The following MAPK13 variants were observed in gnomAD, a reference collection of about 807,000 sequenced individuals.
MAPK13 encodes the protein mitogen-activated protein kinase 13.
Under a neutral mutation model 53.5 loss-of-function variants are expected in MAPK13, and 39 were observed. The observed-to-expected ratio is 0.73, with a 90% CI of 0.56 to 0.95. MAPK13 has a LOEUF of 0.95. MAPK13 is among the 40% of genes least tolerant of loss of function. The probability of loss-of-function intolerance (pLI) is 0.00; values close to 1 mark genes in which losing one functional copy is unlikely to be tolerated. For synonymous variants in MAPK13, 179 were observed against 190.9 expected (o/e 0.94, Z 0.51); for missense variants, 460 against 471.8 (o/e 0.98, Z 0.23).
Position 36,133,321 on chromosome 6 carries a change from G to A in MAPK13, c.308+642G>A, listed in dbSNP as rs1210025490. Among the ~76,000 whole-genome samples, 5 of 152,308 alleles carry A rather than the reference G, an allele frequency of 3.3e-5. No homozygotes were observed. The East Asian group carries it at 9.7e-4, about 29-fold the overall frequency. On this transcript the variant is annotated intron_variant, in intron 3 of 11. Transcript: ENST00000211287. ...TGATATGTTCAGATGGGATTTGGGG[G>A]ATGCACACTGGCAGCAGCAAGAAAG... is the stretch of plus-strand genomic sequence containing the variant.
At chr6:36,136,616 C>CCTCA in intron 6 of MAPK13, 40 bp from the exon 7 acceptor site, 4 of 1,611,290 alleles carry the variant, frequency 2.5e-6, no homozygotes, top group Non-Finnish European at 3.4e-6. Flanking sequence ...AGCCTCCTCC[C>CCTCA]CTCAGCAAGT....
Position 36,139,393 on chromosome 6 carries a change from C to T in MAPK13, c.*20C>T, listed in dbSNP as rs372134292. The T allele has an allele frequency of 1.9e-6, 3 of 1,610,064 alleles. No homozygotes were observed. Among genetic ancestry groups the T allele is most frequent in the Non-Finnish European group, 2.6e-6 (3 of 1,176,406 alleles). On this transcript the variant is annotated 3_prime_UTR_variant, in exon 12 of 12. Transcript: ENST00000211287. ...CTGTAGGGACTCATCTTGCATGGCA[C>T]CGCCGGCCAGACACTGCCCAAGGAC...
intron 6 of MAPK13, 53 bp downstream of exon 6, chr6:36,136,584 A>G: frequency 5.6e-6 from 9 of 1,595,970 alleles, no homozygotes; most frequent in African/African-American, 1.3e-5. Flanking sequence ...CCCCCAGGGA[A>G]GCCCCTGGAA....
rs111258962 is a variant in MAPK13, at chr6:36,138,594, G to A, written c.763-108G>A. On this transcript the variant is annotated intron_variant, in intron 9 of 11. Transcript: ENST00000211287. Reference sequence around the variant, plus strand: ...CAGGCACTCTTGTCTTAATCTCACCGTGGACCCTGACCTGAACTTTCAGCC... The same window carrying A: ...CAGGCACTCTTGTCTTAATCTCACCATGGACCCTGACCTGAACTTTCAGCC... 379 of 1,299,564 alleles carry A rather than the reference G, an allele frequency of 2.9e-4. No homozygotes were observed. In the African/African-American group the frequency reaches 4.9e-3, roughly 17 times the overall value. The allele number at this position is 1,299,564 out of a possible 1,614,324, so 80.5% of individuals were successfully genotyped here.
chr6:36,136,614 C>G (rs749561163), intron 6 of MAPK13, 42 bp from the exon 7 acceptor site: 27 of 1,610,628 alleles, frequency 1.7e-5, no homozygotes, highest in Non-Finnish European at 1.9e-5. Context: ...AGAGCCTCCT[C>G]CCCTCAGCAA....
chr6:36,138,277 G>A, intron 8 of MAPK13, 88 bp from the exon 9 acceptor site: 2 of 969,082 alleles, frequency 2.1e-6, no homozygotes, highest in South Asian at 1.4e-5. Flanking sequence ...AGTTGCCATG[G>A]TGCCCGGGTG....
Position 36,136,790 on chromosome 6 carries a change from G to T in MAPK13, c.610+20G>T, listed in dbSNP as rs531532416. Reference sequence around the variant, plus strand: ...AGACAGGTCAGTGGTCAATGCCTGAGAGGGCGGTCCTGGGGCCATCTGGTC... The same window carrying T: ...AGACAGGTCAGTGGTCAATGCCTGATAGGGCGGTCCTGGGGCCATCTGGTC... On this transcript the variant is annotated intron_variant, in intron 7 of 11. Transcript: ENST00000211287. 6.8e-6 allele frequency: 11 copies of T among 1,613,246 alleles called. No homozygotes were observed. In the South Asian group the frequency reaches 1.2e-4, roughly 18 times the overall value.
At chr6:36,138,850 G>A in intron 10 of MAPK13, 29 bp from the exon 11 acceptor site, 1 of 1,612,408 alleles carries the variant, frequency 6.2e-7, no homozygotes, top group Non-Finnish European at 8.5e-7. Flanking sequence ...CCAGCCCCTG[G>A]TGTGAGGCTC....
Position 36,130,918 on chromosome 6 carries a change from A to T in MAPK13, c.119+217A>T. The T allele has an allele frequency of 1.9e-6, 1 of 516,726 alleles. No homozygotes were observed. Among genetic ancestry groups the T allele is most frequent in the Non-Finnish European group, 3.4e-6 (1 of 292,002 alleles). 32.0% of individuals were successfully genotyped at this position (516,726 alleles called of 1,614,324 possible). On this transcript the variant is annotated intron_variant, in intron 1 of 11. Coordinates refer to ENST00000211287, the MANE Select transcript of MAPK13 (RefSeq NM_002754.5). This position sits in a 1 kb window ranked among gnomAD's most constrained non-coding sequence, Gnocchi z 4.5. ...GAGTTGGGACTGGGCCTGGTTCTCC[A>T]GGACTGTACACTTGCAAGACCCCAG...
chr6:36,136,140 G>C (rs1425461818), intron 5 of MAPK13, 92 bp downstream of exon 5: 1 of 1,494,340 alleles, frequency 6.7e-7, no homozygotes, highest in East Asian at 2.3e-5. Flanking sequence ...AAAGTTGGAG[G>C]GAGGGGACAC....
chr6:36,134,567 G>C (rs1318363423), intron 3 of MAPK13, among the ~76,000 whole-genome samples: 1 of 151,820 alleles, frequency 6.6e-6, no homozygotes, highest in Non-Finnish European at 1.5e-5. Context: ...TTTTTGTTTT[G>C]TTTTAATTTT....
At chr6:36,133,947 T>C (rs1348449792) in intron 3 of MAPK13, among the ~76,000 whole-genome samples, 1 of 152,062 alleles carries the variant, frequency 6.6e-6, no homozygotes, top group African/African-American at 2.4e-5. Flanking sequence ...TCATGGTGTG[T>C]TTGTCGGGTG....
Position 36,141,979 on chromosome 6 carries a change from CCTGAGTCTACATCCCT to C in MAPK13, c.*2609_*2624del, listed in dbSNP as rs1297885532. 1 of 152,350 alleles carries C rather than the reference CCTGAGTCTACATCCCT, an allele frequency of 6.6e-6. No homozygotes were observed. The highest frequency in any genetic ancestry group is 2.4e-5 in the African/African-American group (1 of 41,452). The allele number at this position is 152,350 out of a possible 1,614,324, so 9.4% of individuals were successfully genotyped here. A position where few individuals can be genotyped will look rare whatever the true frequency, so the allele number is the denominator to read the frequency against. On this transcript the variant is annotated 3_prime_UTR_variant, in exon 12 of 12. Transcript: ENST00000211287. ...TGGTTACTAAAACTGCCCCAGGTTC[CCTGAGTCTACATCCCT>C]CTAAGCCTCCTGAGAATTCTCACTG... is the stretch of plus-strand genomic sequence containing the variant.
chr6:36,136,799 C>T, intron 7 of MAPK13, 29 bp downstream of exon 7: 1 of 1,611,834 alleles, frequency 6.2e-7, no homozygotes, highest in South Asian at 1.1e-5. Context: ...AGAGGGCGGT[C>T]CTGGGGCCAT....
In MAPK13 at chr6:36,139,068, G is replaced by A. The variant is rs1391083232; in HGVS notation, c.1018+13G>A. The A allele has an allele frequency of 1.3e-6, 2 of 1,567,636 alleles. No homozygotes were observed. The highest frequency in any genetic ancestry group is 2.7e-5 in the African/African-American group (2 of 72,906). On this transcript the variant is annotated intron_variant, in intron 11 of 11. Coordinates refer to ENST00000211287, the MANE Select transcript of MAPK13 (RefSeq NM_002754.5). ...GATGAATGGAAGCGTAAGAGCTGGG[G>A]CCTCGGGCTTCCTCGCCTCCGCCTG...
chr6:36,131,134 TC>T (rs976628057), intron 1 of MAPK13, 136 bp from the exon 2 acceptor site: 2 of 1,023,456 alleles, frequency 2.0e-6, no homozygotes, highest in African/African-American at 3.3e-5. Flanking sequence ...CTGCCCTGCG[TC>T]CCGCGGCTCC....
Position 36,130,720 on chromosome 6 carries a change from TG to T in MAPK13, c.119+25del, listed in dbSNP as rs751981938. On this transcript the variant is annotated intron_variant, in intron 1 of 11. Coordinates refer to ENST00000211287, the MANE Select transcript of MAPK13 (RefSeq NM_002754.5). The surrounding 1 kb of genome is among the most constrained non-coding windows in gnomAD (Gnocchi z 4.5). ...CCGTGTGGTGAGACCCCTGGGCCGC[TG>T]GGGGGCGGGGGGCGGGCGCCAGGCT... 2.6e-4 allele frequency: 173 copies of T among 669,582 alleles called. 2 individuals carry two copies. The highest frequency in any genetic ancestry group is 4.4e-4 in the Admixed American group (14 of 31,680). 41.5% of individuals were successfully genotyped at this position (669,582 alleles called of 1,614,324 possible). A position where few individuals can be genotyped will look rare whatever the true frequency, so the allele number is the denominator to read the frequency against.
At chr6:36,133,281 C>T (rs530289509) in intron 3 of MAPK13, among the ~76,000 whole-genome samples, 41 of 152,272 alleles carry the variant, frequency 2.7e-4, no homozygotes, top group African/African-American at 9.1e-4. Flanking sequence ...GACCTGGGGA[C>T]TTTGAGCCGG....
intron 3 of MAPK13, among the ~76,000 whole-genome samples, chr6:36,135,139 CT>C (rs1272236919): frequency 1.3e-5 from 2 of 152,238 alleles, no homozygotes; most frequent in Non-Finnish European, 2.9e-5. Context: ...AGGTATGCCC[CT>C]GGCCTATTTT....
Sources: allele counts gnomAD v4.1 joint callset (sites outside exome capture counted in the v4.1 genomes callset), GRCh38; gene constraint gnomAD v4.1.1; non-coding constraint Gnocchi (gnomAD v3.1); transcripts MANE v1.5; gene names NCBI Gene and HGNC (gene_info 2026-07-23, HGNC 2026-07-21).